Variants in COX7B2 observed in about 807,000 individuals in gnomAD.
COX7B2 encodes cytochrome c oxidase subunit 7B2, mitochondrial.
For synonymous variants in COX7B2, 37 were observed against 32.1 expected (o/e 1.15, Z -0.51); for missense variants, 109 against 95.9 (o/e 1.14, Z -0.57).
chr4:46,891,868 CAAT>C (rs1719449724), intron 1 of COX7B2, among the ~76,000 whole-genome samples: 1 of 152,190 alleles, frequency 6.6e-6, no homozygotes, highest in African/African-American at 2.4e-5. Context: ...TATTCTGACA[CAAT>C]GAAGAGAAAA....
chr4:46,907,279 G>T (rs1463947094), intron 1 of COX7B2, among the ~76,000 whole-genome samples: 2 of 151,980 alleles, frequency 1.3e-5, no homozygotes, highest in East Asian at 3.9e-4. Flanking sequence ...TCTTAAGCTG[G>T]TGTCCTAATT....
intron 2 of COX7B2, among the ~76,000 whole-genome samples, chr4:46,740,624 A>G (rs1024082828): frequency 3.3e-5 from 5 of 152,078 alleles, no homozygotes; most frequent in Admixed American, 6.6e-5. Flanking sequence ...TGTTAGGTGT[A>G]AAATGGATGG....
intron 1 of COX7B2, among the ~76,000 whole-genome samples, chr4:46,900,706 C>A (rs1001708571): frequency 3.3e-5 from 5 of 152,102 alleles, no homozygotes; most frequent in African/African-American, 1.2e-4. Context: ...CAAATTAGTG[C>A]TCTTATAAAA....
intron 2 of COX7B2, among the ~76,000 whole-genome samples, chr4:46,774,920 A>C (rs2109530317): frequency 6.6e-6 from 1 of 152,256 alleles, no homozygotes; most frequent in South Asian, 2.1e-4. Flanking sequence ...TCAAAAAATA[A>C]GGCACTGAAT....
chr4:46,825,779 G>T (rs1026998895), intron 2 of COX7B2, among the ~76,000 whole-genome samples: 1 of 152,082 alleles, frequency 6.6e-6, no homozygotes, highest in Non-Finnish European at 1.5e-5. Flanking sequence ...AAGCAATGGG[G>T]AAAGACTCCC....
At chr4:46,796,577 C>T (rs1560386424) in intron 2 of COX7B2, among the ~76,000 whole-genome samples, 2 of 99,584 alleles carry the variant, frequency 2.0e-5, no homozygotes, top group Non-Finnish European at 3.9e-5. Flanking sequence ...TTTGACCCAG[C>T]CATCCCATTA....
chr4:46,845,886 A>G (rs1187155104), intron 1 of COX7B2, among the ~76,000 whole-genome samples: 1 of 152,028 alleles, frequency 6.6e-6, no homozygotes, highest in Admixed American at 6.6e-5. Context: ...GTATCCATCA[A>G]CAGCAAAGTC....
At chr4:46,906,749 T>G (rs1385858959) in intron 1 of COX7B2, among the ~76,000 whole-genome samples, 2 of 152,232 alleles carry the variant, frequency 1.3e-5, no homozygotes, top group African/African-American at 4.8e-5. Flanking sequence ...TATTTTCCCC[T>G]CTTCCTCCCT....
chr4:46,783,149 A>G (rs1380667704), intron 2 of COX7B2, among the ~76,000 whole-genome samples: 1 of 152,242 alleles, frequency 6.6e-6, no homozygotes, highest in African/African-American at 2.4e-5. Flanking sequence ...TTTCCACTGT[A>G]AAGTAAATTA....
At chr4:46,857,571 T>C (rs1476804633) in intron 1 of COX7B2, among the ~76,000 whole-genome samples, 1 of 152,178 alleles carries the variant, frequency 6.6e-6, no homozygotes, top group Non-Finnish European at 1.5e-5. Flanking sequence ...CAAATTCCTA[T>C]GATCTATAGA....
At chr4:46,897,423 CTT>C (rs1719829095) in intron 1 of COX7B2, among the ~76,000 whole-genome samples, 7 of 152,218 alleles carry the variant, frequency 4.6e-5, no homozygotes, top group Admixed American at 3.9e-4. Context: ...TGTGTCCCCT[CTT>C]GAGTATTAAG....
At chr4:46,769,502 G>T (rs1034375271) in intron 2 of COX7B2, among the ~76,000 whole-genome samples, 1 of 152,132 alleles carries the variant, frequency 6.6e-6, no homozygotes, top group Non-Finnish European at 1.5e-5. Context: ...ATCACTTGAG[G>T]TCAGGAGTTT....
intron 1 of COX7B2, among the ~76,000 whole-genome samples, chr4:46,853,699 G>A (rs1716842608): frequency 6.6e-6 from 1 of 151,908 alleles, no homozygotes; most frequent in South Asian, 2.1e-4. Flanking sequence ...CCTAACATCA[G>A]TATTTGTTTT....
At chr4:46,803,381 T>C (rs572821627) in intron 2 of COX7B2, among the ~76,000 whole-genome samples, 14 of 152,284 alleles carry the variant, frequency 9.2e-5, no homozygotes, top group African/African-American at 3.4e-4. Flanking sequence ...GATATAATTA[T>C]ACTAAAATAA....
chr4:46,896,824 G>A (rs1440328335), intron 1 of COX7B2, among the ~76,000 whole-genome samples: 1 of 152,164 alleles, frequency 6.6e-6, no homozygotes, highest in African/African-American at 2.4e-5. Flanking sequence ...GAAGGAGAAT[G>A]TGCTTTATCA....
chr4:46,902,180 CT>C (rs1039753263), intron 1 of COX7B2, among the ~76,000 whole-genome samples: 3 of 152,134 alleles, frequency 2.0e-5, no homozygotes, highest in African/African-American at 7.2e-5. Context: ...TCTCTTACCC[CT>C]GTAAAATGGA....
At chr4:46,887,572 G>A (rs367657731) in intron 1 of COX7B2, among the ~76,000 whole-genome samples, 20 of 151,966 alleles carry the variant, frequency 1.3e-4, no homozygotes, top group African/African-American at 4.3e-4. Context: ...TTAGCCGGGC[G>A]TGGTGGCAGG....
chr4:46,764,148 T>C (rs1000221630), intron 2 of COX7B2, among the ~76,000 whole-genome samples: 1 of 152,346 alleles, frequency 6.6e-6, no homozygotes, highest in Non-Finnish European at 1.5e-5. Flanking sequence ...AGTTGCTTAT[T>C]ATGTACAAAC....
chr4:46,805,267 C>T (rs748425738), intron 2 of COX7B2, among the ~76,000 whole-genome samples: 1 of 152,264 alleles, frequency 6.6e-6, no homozygotes, highest in Non-Finnish European at 1.5e-5. Context: ...AAGGACTCCT[C>T]AAGTGGGGCC....
Sources: gnomAD v4.1 joint callset for allele counts (sites outside exome capture counted in the v4.1 genomes callset) on GRCh38, gnomAD v4.1.1 for gene constraint, MANE v1.5 for transcripts, NCBI Gene and HGNC (gene_info 2026-07-23, HGNC 2026-07-21) for gene names.